Variants in UBAC2 observed in about 807,000 individuals in gnomAD.
The protein encoded by UBAC2 is ubiquitin-associated domain-containing protein 2.
UBAC2 carries 26 observed loss-of-function variants against 44.0 expected under a neutral mutation model. That is an observed-to-expected ratio of 0.59 (90% CI 0.43 to 0.82). The LOEUF is 0.82. UBAC2 is among the 40% of genes least tolerant of loss of function. The probability of loss-of-function intolerance (pLI) is 0.00; values close to 1 mark genes in which losing one functional copy is unlikely to be tolerated. For synonymous variants in UBAC2, 155 were observed against 154.3 expected (o/e 1.00, Z -0.04); for missense variants, 329 against 419.4 (o/e 0.78, Z 1.88).
At chr13:99,332,665 C>T (rs2044732608) in intron 6 of UBAC2, among the ~76,000 whole-genome samples, 1 of 152,202 alleles carries the variant, frequency 6.6e-6, no homozygotes, top group South Asian at 2.1e-4. Context: ...CAAACTCCAA[C>T]TCGAGCTTGT....
At chr13:99,243,565 T>C (rs935460044) in intron 2 of UBAC2, among the ~76,000 whole-genome samples, 6 of 152,192 alleles carry the variant, frequency 3.9e-5, no homozygotes, top group African/African-American at 9.6e-5. Flanking sequence ...AAATTTCTTA[T>C]AGGCAGTTTT....
At chr13:99,379,862 T>C (rs1479716729) in intron 8 of UBAC2, among the ~76,000 whole-genome samples, 4 of 152,244 alleles carry the variant, frequency 2.6e-5, no homozygotes, top group African/African-American at 9.6e-5. Flanking sequence ...AGAGGGTATC[T>C]GCACACCTTT....
intron 2 of UBAC2, among the ~76,000 whole-genome samples, chr13:99,240,924 T>TG (rs1946677722): frequency 6.6e-6 from 1 of 152,210 alleles, no homozygotes; most frequent in African/African-American, 2.4e-5. Flanking sequence ...GAGCACAGGT[T>TG]GTATGACTTT....
chr13:99,214,540 AG>A (rs1268912566), intron 1 of UBAC2, among the ~76,000 whole-genome samples: 2 of 152,112 alleles, frequency 1.3e-5, no homozygotes, highest in African/African-American at 2.4e-5. Context: ...AACCCCCTGC[AG>A]TCGTCAAAGG....
At chr13:99,247,154 G>C (rs1680625354) in intron 4 of UBAC2, among the ~76,000 whole-genome samples, 1 of 151,444 alleles carries the variant, frequency 6.6e-6, no homozygotes, top group Non-Finnish European at 1.5e-5. Context: ...ATCTTTTATT[G>C]ATGGTAGCAA....
At chr13:99,352,483 A>G (rs1461299334) in intron 7 of UBAC2, among the ~76,000 whole-genome samples, 1 of 152,170 alleles carries the variant, frequency 6.6e-6, no homozygotes, top group Non-Finnish European at 1.5e-5. Context: ...TCTGAGGTTG[A>G]CGCATGTTGC....
chr13:99,329,988 G>A (rs1197926652), intron 6 of UBAC2, among the ~76,000 whole-genome samples: 1 of 152,202 alleles, frequency 6.6e-6, no homozygotes, highest in Non-Finnish European at 1.5e-5. Flanking sequence ...AACGTGATAA[G>A]TCTCTACGTT....
intron 6 of UBAC2, among the ~76,000 whole-genome samples, chr13:99,327,344 T>G (rs2044653001): frequency 6.6e-6 from 1 of 152,246 alleles, no homozygotes; most frequent in Non-Finnish European, 1.5e-5. Flanking sequence ...ACTGGTAGAT[T>G]ATCATGTCCG....
chr13:99,379,241 C>T (rs1271882790), intron 8 of UBAC2, among the ~76,000 whole-genome samples: 3 of 152,228 alleles, frequency 2.0e-5, no homozygotes, highest in African/African-American at 7.2e-5. Context: ...AGTTGTTCTG[C>T]CCTTGATGTC....
intron 5 of UBAC2, among the ~76,000 whole-genome samples, chr13:99,315,018 A>G (rs1218956253): frequency 6.6e-6 from 1 of 152,110 alleles, no homozygotes; most frequent in East Asian, 1.9e-4. Flanking sequence ...CTCTAACCGG[A>G]TACTGGCGTC....
intron 4 of UBAC2, among the ~76,000 whole-genome samples, chr13:99,302,036 G>A (rs2044264492): frequency 6.6e-6 from 1 of 152,194 alleles, no homozygotes; most frequent in South Asian, 2.1e-4. Context: ...AATTGGAGGT[G>A]ACTTCTCTGT....
At chr13:99,319,683 T>C (rs565187453) in intron 6 of UBAC2, among the ~76,000 whole-genome samples, 1 of 152,214 alleles carries the variant, frequency 6.6e-6, no homozygotes, top group Non-Finnish European at 1.5e-5. Context: ...CTAAACCCTA[T>C]TGTGAAGTCT....
intron 4 of UBAC2, among the ~76,000 whole-genome samples, chr13:99,288,387 G>C (rs1594090594): frequency 6.6e-6 from 1 of 152,148 alleles, no homozygotes; most frequent in Non-Finnish European, 1.5e-5. Flanking sequence ...TACTAACTAC[G>C]AGAAGCCACA....
At chr13:99,226,675 T>G (rs1366027621) in intron 1 of UBAC2, among the ~76,000 whole-genome samples, 1 of 152,212 alleles carries the variant, frequency 6.6e-6, no homozygotes, top group Non-Finnish European at 1.5e-5. Flanking sequence ...CATCACCACT[T>G]GTTTGACGTT....
chr13:99,216,886 A>AG (rs2043002368), intron 1 of UBAC2, among the ~76,000 whole-genome samples: 1 of 147,668 alleles, frequency 6.8e-6, no homozygotes, highest in Admixed American at 6.8e-5. Context: ...GCTGGAGTGC[A>AG]GTGGTGCGAT....
At chr13:99,262,875 T>TTGAG (rs1266484987) in intron 4 of UBAC2, among the ~76,000 whole-genome samples, 2 of 152,132 alleles carry the variant, frequency 1.3e-5, no homozygotes, top group African/African-American at 4.8e-5. Context: ...ATCTATAAGG[T>TTGAG]TGAGGGTTGT....
chr13:99,241,900 G>A (rs1199685219), intron 2 of UBAC2, among the ~76,000 whole-genome samples: 1 of 149,740 alleles, frequency 6.7e-6, no homozygotes, highest in Non-Finnish European at 1.5e-5. Context: ...CGCAGTGTTT[G>A]TGTCCCTGGG....
rs950946479 is a variant in UBAC2, at chr13:99,235,047, G to A, written c.32-3380G>A. On this transcript the variant is annotated intron_variant, in intron 1 of 8. Transcript: ENST00000403766. Reference sequence around the variant, plus strand: ...AAATGACTAGATCAAGGAGGAAGAGGGGCGTGACTGCTTTTAGTACAAGGC... The same window carrying A: ...AAATGACTAGATCAAGGAGGAAGAGAGGCGTGACTGCTTTTAGTACAAGGC... Among the ~76,000 whole-genome samples, 6 of 152,052 alleles carry A rather than the reference G, an allele frequency of 3.9e-5. No individual in the cohort carries two copies. In the East Asian group the frequency reaches 5.8e-4, roughly 15 times the overall value.
chr13:99,360,672 G>A (rs1184720825), intron 7 of UBAC2, among the ~76,000 whole-genome samples: 4 of 152,072 alleles, frequency 2.6e-5, no homozygotes, highest in Admixed American at 6.6e-5. Context: ...CTTCTCCATC[G>A]TTGAAATCAT....
Sources: allele counts gnomAD v4.1 joint callset (sites outside exome capture counted in the v4.1 genomes callset), GRCh38; gene constraint gnomAD v4.1.1; transcripts MANE v1.5; gene names NCBI Gene and HGNC (gene_info 2026-07-23, HGNC 2026-07-21).